Variants in DGKI observed in about 807,000 individuals in gnomAD.
DGKI encodes the protein diacylglycerol kinase iota.
DGKI carries 55 observed loss-of-function variants against 147.5 expected under a neutral mutation model. The ratio of observed to expected loss-of-function variants is 0.37; its 90% CI spans 0.30 to 0.47. The LOEUF is 0.47. Among genes scored for constraint, DGKI ranks in the 20% least tolerant of loss-of-function variants. The pLI is 1.00. For synonymous variants in DGKI, 469 were observed against 477.1 expected (o/e 0.98, Z 0.22); for missense variants, 1,007 against 1,323.8 (o/e 0.76, Z 3.71).
chr7:137,487,542 A>G, intron 22 of DGKI, 68 bp downstream of exon 22: 2 of 1,355,774 alleles, frequency 1.5e-6, no homozygotes, highest in South Asian at 1.2e-5. Flanking sequence ...AAGCAAATAT[A>G]TATGGCTGGT....
At chr7:137,786,604 A>T (rs550047503) in intron 1 of DGKI, among the ~76,000 whole-genome samples, 3 of 152,050 alleles carry the variant, frequency 2.0e-5, no homozygotes, top group Admixed American at 1.3e-4. Context: ...TCTTCACAGA[A>T]CTAGAAAAAA....
chr7:137,420,360 T>C (rs904075862), intron 28 of DGKI, among the ~76,000 whole-genome samples: 3 of 152,152 alleles, frequency 2.0e-5, no homozygotes, highest in Admixed American at 2.0e-4. Context: ...AAGATGAGTG[T>C]GTAGGTGGGA....
At chr7:137,502,510 A>G (rs1816212116) in intron 21 of DGKI, among the ~76,000 whole-genome samples, 1 of 151,892 alleles carries the variant, frequency 6.6e-6, no homozygotes, top group South Asian at 2.1e-4. Context: ...GGAAAAAGAG[A>G]GGAGGATGGA....
Position 137,722,195 on chromosome 7 carries a change from A to G in DGKI, c.402-32193T>C, listed in dbSNP as rs1585409476. On this transcript the variant is annotated intron_variant, in intron 1 of 32. Transcript: ENST00000614521. ...ATGTATTCCAGAAAGGCCATGTACA[A>G]GAGGAAGTACTCAGCCGCTAAATCC... is the stretch of plus-strand genomic sequence containing the variant. 30 of 1,601,644 alleles carry G rather than the reference A, an allele frequency of 1.9e-5. No individual in the cohort carries two copies. The East Asian group carries it at 6.5e-4, about 35-fold the overall frequency.
intron 21 of DGKI, 117 bp from the exon 22 acceptor site, chr7:137,487,806 A>G: frequency 1.1e-6 from 1 of 880,166 alleles, no homozygotes. Flanking sequence ...TTTTTTAGAT[A>G]TGTCCGTAAA....
chr7:137,656,286 CAA>C (rs1822217732), intron 4 of DGKI, among the ~76,000 whole-genome samples, 178 bp downstream of exon 4: 1 of 152,284 alleles, frequency 6.6e-6, no homozygotes, highest in East Asian at 1.9e-4. Flanking sequence ...CTTCAGCAAA[CAA>C]GAGAGTGAAC....
chr7:137,630,415 T>G (rs1821087798), intron 6 of DGKI, among the ~76,000 whole-genome samples: 1 of 152,170 alleles, frequency 6.6e-6, no homozygotes, highest in African/African-American at 2.4e-5. Flanking sequence ...ATCTGAAGGC[T>G]CCTGCTGCAA....
In DGKI at chr7:137,711,671, A is replaced by G. The variant is rs1794217243; in HGVS notation, c.402-21669T>C. On this transcript the variant is annotated intron_variant, in intron 1 of 32. Transcript: ENST00000614521. ...ATATCTTGATTTCCTCATCCGTAAA[A>G]TGGGGATACCAACTTTTTTTTTTTT... 4.1e-5 allele frequency among the ~76,000 whole-genome samples: 6 copies of G among 146,792 alleles called. No homozygotes were observed. The South Asian group carries it at 1.3e-3, about 33-fold the overall frequency.
At chr7:137,668,597 G>A (rs1822729073) in intron 3 of DGKI, among the ~76,000 whole-genome samples, 1 of 152,174 alleles carries the variant, frequency 6.6e-6, no homozygotes, top group Non-Finnish European at 1.5e-5. Context: ...GGGGAATACA[G>A]GAGAGGACAA....
Position 137,577,245 on chromosome 7 carries a change from G to C in DGKI, c.1738C>G (p.Leu580Val), listed in dbSNP as rs940663926. The C allele has an allele frequency of 6.3e-7, 1 of 1,599,354 alleles. No homozygotes were observed. Among genetic ancestry groups the C allele is most frequent in the Non-Finnish European group, 8.5e-7 (1 of 1,170,288 alleles). ...ACAACAACTTTAACATGTTTGGATAGATCTCTAGAACTTCTCTGTAGGAAG... is the reference window on the plus strand; with the variant it reads ...ACAACAACTTTAACATGTTTGGATACATCTCTAGAACTTCTCTGTAGGAAG... ...SDFLQRSSRDLSKHVKVVCDG... is the reference protein window; with the variant it reads ...SDFLQRSSRDVSKHVKVVCDG... The change falls in exon 17 of 33, where the codon CTA becomes GTA. Residue 580 changes from leucine (L) to valine (V), a missense_variant. Around this residue, in one of 5 missense-constraint regions of DGKI, gnomAD observed 224 missense variants for 382.7 expected, o/e 0.59. Transcript: ENST00000614521.
intron 3 of DGKI, among the ~76,000 whole-genome samples, chr7:137,661,179 C>T (rs905813405): frequency 1.3e-5 from 2 of 152,036 alleles, no homozygotes; most frequent in Admixed American, 6.6e-5. Flanking sequence ...TTGCCCACCT[C>T]GACAGGTGGA....
At chr7:137,636,333 G>A (rs891837989) in intron 6 of DGKI, among the ~76,000 whole-genome samples, 6 of 152,186 alleles carry the variant, frequency 3.9e-5, no homozygotes, top group African/African-American at 1.4e-4. Context: ...AGTAGCAGAT[G>A]TAAGACCAGC....
intron 22 of DGKI, among the ~76,000 whole-genome samples, chr7:137,487,048 T>C (rs1016892149): frequency 2.6e-5 from 4 of 152,274 alleles, no homozygotes; most frequent in South Asian, 2.1e-4. Context: ...CTGGCTTTGC[T>C]GGTGCAGTTC....
At chr7:137,770,980 A>G (rs1000707564) in intron 1 of DGKI, among the ~76,000 whole-genome samples, 4 of 152,228 alleles carry the variant, frequency 2.6e-5, no homozygotes, top group Non-Finnish European at 5.9e-5. Flanking sequence ...GAATGAGTAA[A>G]TAAGGAGTGA....
At position 137,656,514 on chromosome 7, in the gene DGKI, T is replaced by C. The variant is rs539000971; in HGVS notation, c.633A>G (p.Ala211=). ...CGGTGTGGACGACGATTTTACAGACTGCACACTTCCTCCTGAGAGCTGATT... is the reference window on the plus strand; with the variant it reads ...CGGTGTGGACGACGATTTTACAGACCGCACACTTCCTCCTGAGAGCTGATT... The part of the protein sequence containing the change: ...FAKSALRRKC[A]VCKIVVHTAC... The change falls in exon 4 of 33, where the codon GCA becomes GCG. Residue 211 remains alanine, a synonymous_variant. Transcript: ENST00000614521. 1.9e-6 allele frequency: 3 copies of C among 1,614,208 alleles called. No homozygotes were observed. The highest frequency in any genetic ancestry group is 1.3e-5 in the African/African-American group (1 of 75,044).
At chr7:137,606,132 G>C (rs1449409301) in intron 10 of DGKI, among the ~76,000 whole-genome samples, 1 of 151,950 alleles carries the variant, frequency 6.6e-6, no homozygotes. Flanking sequence ...TAAAATATGG[G>C]ATTTCTTAAA....
At chr7:137,576,243 GC>G (rs1344288158) in intron 17 of DGKI, among the ~76,000 whole-genome samples, 6 of 151,728 alleles carry the variant, frequency 4.0e-5, no homozygotes, top group African/African-American at 1.5e-4. Context: ...TCACCATTTT[GC>G]CCAGGCTGCT....
At chr7:137,572,398 T>C (rs73169841) in intron 18 of DGKI, among the ~76,000 whole-genome samples, 31 of 152,340 alleles carry the variant, frequency 2.0e-4, no homozygotes, top group Admixed American at 5.9e-4. Context: ...TGGATGGTTT[T>C]TCAACAGTTT....
At chr7:137,518,179 A>G (rs940554886) in intron 21 of DGKI, among the ~76,000 whole-genome samples, 30 of 152,074 alleles carry the variant, frequency 2.0e-4, no homozygotes, top group African/African-American at 7.2e-4. Context: ...AGAGCACACT[A>G]ATGTGCCAGA....
Sources: allele counts gnomAD v4.1 joint callset (sites outside exome capture counted in the v4.1 genomes callset), GRCh38; gene constraint gnomAD v4.1.1; regional missense constraint gnomAD v4.1.1; transcripts MANE v1.5; gene names NCBI Gene and HGNC (gene_info 2026-07-23, HGNC 2026-07-21).